The following ARHGAP12 variants were observed in gnomAD, a reference collection of about 807,000 sequenced individuals.
The protein encoded by ARHGAP12 is rho GTPase-activating protein 12.
A neutral mutation model predicts 108.6 loss-of-function variants in ARHGAP12; 64 were observed. The ratio of observed to expected loss-of-function variants is 0.59; its 90% CI spans 0.48 to 0.73. ARHGAP12 has a LOEUF of 0.73. ARHGAP12 is among the 30% of genes least tolerant of loss of function. The pLI is 0.00. For missense variants in ARHGAP12, 940 were observed against 1,005.9 expected (o/e 0.93, Z 0.89); for synonymous variants, 312 against 337.2 (o/e 0.93, Z 0.82).
At chr10:31,874,512 C>T (rs1214183190) in intron 3 of ARHGAP12, among the ~76,000 whole-genome samples, 5 of 152,112 alleles carry the variant, frequency 3.3e-5, no homozygotes, top group African/African-American at 1.2e-4. Flanking sequence ...AGCATTATTT[C>T]CTTAAAGCTG....
At chr10:31,893,549 G>A (rs974903175) in intron 3 of ARHGAP12, among the ~76,000 whole-genome samples, 1 of 131,106 alleles carries the variant, frequency 7.6e-6, no homozygotes, top group African/African-American at 2.7e-5. Context: ...AAACCAGGAA[G>A]AAGTTGAATC....
At chr10:31,907,041 T>G (rs1399022795) in intron 3 of ARHGAP12, among the ~76,000 whole-genome samples, 6 of 152,166 alleles carry the variant, frequency 3.9e-5, no homozygotes, top group African/African-American at 1.4e-4. Context: ...AAGTCTTCCC[T>G]TTTTCCTATT....
intron 15 of ARHGAP12, among the ~76,000 whole-genome samples, chr10:31,811,487 G>C (rs1835013764): frequency 6.7e-6 from 1 of 149,770 alleles, no homozygotes; most frequent in South Asian, 2.1e-4. Flanking sequence ...ATATTTCTCA[G>C]GGAAAAGGCC....
chr10:31,922,180 C>CAAAAAAAAAAA (rs56210740), intron 1 of ARHGAP12, among the ~76,000 whole-genome samples: 2 of 66,134 alleles, frequency 3.0e-5, no homozygotes, highest in Non-Finnish European at 5.6e-5. Context: ...GACCCTGCCT[C>CAAAAAAAAAAA]AAAAAAAAAA....
At chr10:31,842,526 T>C (rs1238850951) in intron 7 of ARHGAP12, among the ~76,000 whole-genome samples, 1 of 152,112 alleles carries the variant, frequency 6.6e-6, no homozygotes, top group Non-Finnish European at 1.5e-5. Flanking sequence ...ATGAAGGCTG[T>C]TTCTAACACT....
At chr10:31,825,700 G>A (rs1835578842) in intron 11 of ARHGAP12, among the ~76,000 whole-genome samples, 1 of 152,120 alleles carries the variant, frequency 6.6e-6, no homozygotes, top group Non-Finnish European at 1.5e-5. Context: ...GATACAGAAT[G>A]AGCATTCAAA....
At chr10:31,833,516 T>C (rs920188186) in intron 9 of ARHGAP12, among the ~76,000 whole-genome samples, 1 of 152,144 alleles carries the variant, frequency 6.6e-6, no homozygotes, top group African/African-American at 2.4e-5. Context: ...CATGTATATA[T>C]GCATCACTCA....
At chr10:31,921,575 C>T (rs1310393314) in intron 1 of ARHGAP12, among the ~76,000 whole-genome samples, 1 of 151,186 alleles carries the variant, frequency 6.6e-6, no homozygotes, top group Non-Finnish European at 1.5e-5. Flanking sequence ...ACCAGCCTGA[C>T]CAACATGGTG....
At position 31,835,205 on chromosome 10, in the gene ARHGAP12, AAAAAAAAAAAAAG is replaced by A. The variant is rs1835970304; in HGVS notation, c.1387-3418_1387-3406del. Among the ~76,000 whole-genome samples the A allele has an allele frequency of 2.7e-5, 4 of 147,498 alleles. No homozygotes were observed. In the South Asian group the frequency reaches 8.6e-4, roughly 32 times the overall value. ...AGAGCGAGACTCCGTCTCAAAAGAA[AAAAAAAAAAAAAG>A]AAAAAAATTTAAACAGATTTTTATT... On this transcript the variant is annotated intron_variant, in intron 9 of 19. Transcript: ENST00000344936.
At chr10:31,902,778 G>A (rs879879727) in intron 3 of ARHGAP12, among the ~76,000 whole-genome samples, 10 of 152,096 alleles carry the variant, frequency 6.6e-5, no homozygotes, top group Non-Finnish European at 1.2e-4. Context: ...TTCTGTGATG[G>A]TTAACTGTAT....
In ARHGAP12 at chr10:31,908,763, C is replaced by T; in HGVS notation, c.93G>A (p.Lys31=). 2 of 1,613,514 alleles carry T rather than the reference C, an allele frequency of 1.2e-6. No homozygotes were observed. The highest frequency in any genetic ancestry group is 1.7e-6 in the Non-Finnish European group (2 of 1,180,026). Residue 31 remains lysine, a synonymous_variant, in exon 3 of 20, where the codon AAG becomes AAA. Transcript: ENST00000344936. ...YDYEYEAKDR[K]IVIKQGERYI... ...ACCTCTCCCCTTGTTTTATCACAAT[C>T]TTTCTGTCCTTTGCTTCATATTCAT...
chr10:31,867,112 T>C (rs991776854), intron 3 of ARHGAP12, among the ~76,000 whole-genome samples: 1 of 150,246 alleles, frequency 6.7e-6, no homozygotes, highest in African/African-American at 2.5e-5. Flanking sequence ...TTGTTTTCTT[T>C]TTTTTGTTTT....
rs190391557 is a variant in ARHGAP12 at position 31,912,119 on chromosome 10, T to C, written c.-110-1556A>G. ...TGCATTACCAGAACGCTAGTCACTA[T>C]GTGCTTTGATCATTTACCTATACAA... On this transcript the variant is annotated intron_variant, in intron 1 of 19. Coordinates refer to ENST00000344936, the MANE Select transcript of ARHGAP12 (RefSeq NM_018287.7). 2.8e-4 allele frequency among the ~76,000 whole-genome samples: 42 copies of C among 152,352 alleles called. No individual in the cohort carries two copies. The South Asian group carries it at 6.6e-3, about 24-fold the overall frequency.
At chr10:31,816,576 G>C (rs1187189589) in intron 13 of ARHGAP12, among the ~76,000 whole-genome samples, 1 of 152,122 alleles carries the variant, frequency 6.6e-6, no homozygotes, top group East Asian at 1.9e-4. Context: ...ACTGTGACTA[G>C]AGCTGAAAGT....
At chr10:31,812,176 C>A (rs1243983196) in intron 15 of ARHGAP12, among the ~76,000 whole-genome samples, 1 of 151,872 alleles carries the variant, frequency 6.6e-6, no homozygotes, top group Non-Finnish European at 1.5e-5. Flanking sequence ...GAACTACATA[C>A]ACAAGTAATG....
rs1024640747 is a variant in ARHGAP12 at position 31,808,894 on chromosome 10, G to A, written c.2263+100C>T. 3 of 1,383,124 alleles carry A rather than the reference G, an allele frequency of 2.2e-6. No homozygotes were observed. In the Admixed American group the frequency reaches 6.6e-5, roughly 30 times the overall value. The allele number at this position is 1,383,124 out of a possible 1,614,324, so 85.7% of individuals were successfully genotyped here. A position where few individuals can be genotyped will look rare whatever the true frequency, so the allele number is the denominator to read the frequency against. ...AATGTTTGGAGTAAAACAATCTGTT[G>A]AAAATACTTGCTTAAAGTAAGATAA... On this transcript the variant is annotated intron_variant, in intron 18 of 19. Coordinates refer to ENST00000344936, the MANE Select transcript of ARHGAP12 (RefSeq NM_018287.7).
intron 12 of ARHGAP12, 36 bp from the exon 13 acceptor site, chr10:31,817,922 C>T (rs748488447): frequency 3.3e-6 from 5 of 1,534,380 alleles, no homozygotes; most frequent in Admixed American, 3.5e-5. Flanking sequence ...AGAGTATGGT[C>T]AGTTTGTGCT....
chr10:31,854,860 G>A (rs991332295), intron 4 of ARHGAP12, among the ~76,000 whole-genome samples: 1 of 150,764 alleles, frequency 6.6e-6, no homozygotes, highest in Non-Finnish European at 1.5e-5. Context: ...CAGGAACGGT[G>A]GCTCACGTCT....
chr10:31,921,508 G>A (rs764176494), intron 1 of ARHGAP12, among the ~76,000 whole-genome samples: 13 of 152,024 alleles, frequency 8.6e-5, no homozygotes, highest in Non-Finnish European at 1.3e-4. Flanking sequence ...GCTCATGCCT[G>A]TAATCCCAGC....
Sources: gnomAD v4.1 joint callset for allele counts (sites outside exome capture counted in the v4.1 genomes callset) on GRCh38, gnomAD v4.1.1 for gene constraint, MANE v1.5 for transcripts, NCBI Gene and HGNC (gene_info 2026-07-23, HGNC 2026-07-21) for gene names.